The following SPECC1L variants were observed in gnomAD, a reference collection of about 807,000 sequenced individuals.
SPECC1L encodes cytospin-A.
In SPECC1L, 40 loss-of-function variants were observed where a neutral mutation model predicts 116.8. The observed-to-expected ratio is 0.34, with a 90% confidence interval of 0.27 to 0.45. The LOEUF is 0.45. Among genes scored for constraint, SPECC1L ranks in the 20% least tolerant of loss-of-function variants. SPECC1L has a pLI of 1.00. For synonymous variants in SPECC1L, 504 were observed against 500.6 expected (o/e 1.01, Z -0.09); for missense variants, 1,110 against 1,373.6 (o/e 0.81, Z 3.03).
At chr22:24,381,672 C>T (rs2042064668) in intron 14 of SPECC1L, among the ~76,000 whole-genome samples, 2 of 152,030 alleles carry the variant, frequency 1.3e-5, no homozygotes, top group African/African-American at 4.8e-5. Context: ...ATCACGAGAT[C>T]AGGAGATCGA....
chr22:24,410,702 G>T (rs1310982364), intron 14 of SPECC1L, among the ~76,000 whole-genome samples: 3 of 152,168 alleles, frequency 2.0e-5, no homozygotes, highest in Non-Finnish European at 4.4e-5. Flanking sequence ...CTGGACCAAT[G>T]CTCAGGGGGC....
intron 2 of SPECC1L, among the ~76,000 whole-genome samples, chr22:24,285,491 A>G (rs2146349262): frequency 6.6e-6 from 1 of 152,336 alleles, no homozygotes; most frequent in East Asian, 1.9e-4. Flanking sequence ...CTACCCAACC[A>G]GTCTGAGTTC....
intron 2 of SPECC1L, among the ~76,000 whole-genome samples, chr22:24,287,072 G>A (rs4522712): frequency 6.6e-6 from 1 of 152,176 alleles, no homozygotes; most frequent in African/African-American, 2.4e-5. Context: ...AGAGACAAGG[G>A]AAGGTATCAC....
chr22:24,311,812 A>AC, intron 3 of SPECC1L, among the ~76,000 whole-genome samples: 1 of 150,888 alleles, frequency 6.6e-6, no homozygotes, highest in Non-Finnish European at 1.5e-5. Context: ...CTCAAAAAAA[A>AC]AAAAAAAAAA....
intron 2 of SPECC1L, among the ~76,000 whole-genome samples, chr22:24,290,871 A>G (rs1224837323): frequency 6.6e-6 from 1 of 152,196 alleles, no homozygotes; most frequent in Non-Finnish European, 1.5e-5. Flanking sequence ...GATTTATTTG[A>G]TTTAAACACT....
At chr22:24,304,882 TA>T (rs1462635798) in intron 3 of SPECC1L, among the ~76,000 whole-genome samples, 3 of 152,216 alleles carry the variant, frequency 2.0e-5, no homozygotes, top group Non-Finnish European at 4.4e-5. Flanking sequence ...CTTAGAGAAG[TA>T]TACGTACCTG....
chr22:24,318,248 G>C lies in SPECC1L; in HGVS notation c.308-3040G>C, dbSNP rs1017021374. Reference sequence around the variant, plus strand: ...TGGGCACCATTGAGCAATGAGTGAAGGAGACTCCGTCTGCAATCCCGGCAC... The same window carrying C: ...TGGGCACCATTGAGCAATGAGTGAACGAGACTCCGTCTGCAATCCCGGCAC... On this transcript the variant is annotated intron_variant, in intron 4 of 16. Transcript: ENST00000314328. Among the ~76,000 whole-genome samples, 5 of 152,082 alleles carry C rather than the reference G, an allele frequency of 3.3e-5. No individual in the cohort carries two copies. In the South Asian group the frequency reaches 1.0e-3, roughly 32 times the overall value.
rs1178588476 is a variant in SPECC1L at position 24,277,596 on chromosome 22, G to C, written c.-38+793G>C. ...CTTTGTGTCTCTATGGATTTGCCTA[G>C]TCTAGGTATTTTTATGTAAATGGCA... On this transcript the variant is annotated intron_variant, in intron 2 of 16. Coordinates refer to ENST00000314328, the MANE Select transcript of SPECC1L (RefSeq NM_015330.6). Among the ~76,000 whole-genome samples, 3 of 152,196 alleles carry C rather than the reference G, an allele frequency of 2.0e-5. No homozygotes were observed. In the East Asian group the frequency reaches 5.8e-4, roughly 29 times the overall value.
intron 14 of SPECC1L, among the ~76,000 whole-genome samples, chr22:24,409,383 G>A (rs2042649593): frequency 6.6e-6 from 1 of 152,164 alleles, no homozygotes; most frequent in Non-Finnish European, 1.5e-5. Context: ...TGTGGTGTCT[G>A]CATAAAGTGT....
intron 2 of SPECC1L, among the ~76,000 whole-genome samples, chr22:24,296,871 A>G (rs1443425090): frequency 1.2e-4 from 19 of 152,056 alleles, no homozygotes; most frequent in African/African-American, 4.1e-4. Flanking sequence ...GGTAGGGCCC[A>G]TGGAATTCAA....
intron 11 of SPECC1L, 26 bp from the exon 12 acceptor site, chr22:24,363,235 A>G: frequency 6.3e-7 from 1 of 1,597,790 alleles, no homozygotes; most frequent in South Asian, 1.1e-5. Flanking sequence ...AGATTTCTTT[A>G]TTGGGATTCT....
At chr22:24,352,430 A>G (rs746339251) in intron 11 of SPECC1L, among the ~76,000 whole-genome samples, 28 of 152,216 alleles carry the variant, frequency 1.8e-4, no homozygotes, top group Non-Finnish European at 4.4e-5. Context: ...GAAGTTCGTT[A>G]GTCCAAGTGT....
intron 14 of SPECC1L, among the ~76,000 whole-genome samples, chr22:24,386,635 G>C (rs1193413949): frequency 6.6e-6 from 1 of 151,804 alleles, no homozygotes; most frequent in African/African-American, 2.4e-5. Context: ...ACGGAGTCTT[G>C]CTCTGTCATC....
At chr22:24,277,211 T>A (rs1331347994) in intron 2 of SPECC1L, among the ~76,000 whole-genome samples, 1 of 152,226 alleles carries the variant, frequency 6.6e-6, no homozygotes, top group Non-Finnish European at 1.5e-5. Context: ...TTTGGATTAT[T>A]GTTTTGGTCT....
At chr22:24,299,409 C>T (rs1185624524) in intron 2 of SPECC1L, among the ~76,000 whole-genome samples, 1 of 152,064 alleles carries the variant, frequency 6.6e-6, no homozygotes, top group African/African-American at 2.4e-5. Flanking sequence ...TGCACTCCAG[C>T]ATGGGTGACA....
intron 2 of SPECC1L, among the ~76,000 whole-genome samples, chr22:24,287,232 G>A (rs1285721292): frequency 6.6e-6 from 1 of 152,214 alleles, no homozygotes; most frequent in Non-Finnish European, 1.5e-5. Flanking sequence ...CACGTAAAAT[G>A]GAAATGAGAT....
chr22:24,296,476 T>G (rs557848204), intron 2 of SPECC1L, among the ~76,000 whole-genome samples: 30 of 152,388 alleles, frequency 2.0e-4, no homozygotes, highest in African/African-American at 6.7e-4. Flanking sequence ...AATGTTTTTA[T>G]GAGGAGAGCT....
chr22:24,335,645 T>C (rs1229615783), intron 9 of SPECC1L, among the ~76,000 whole-genome samples: 2 of 152,234 alleles, frequency 1.3e-5, no homozygotes, highest in Admixed American at 1.3e-4. Flanking sequence ...TATTCTGTGA[T>C]TATACACAAA....
chr22:24,365,288 G>A (rs535102372), intron 12 of SPECC1L, among the ~76,000 whole-genome samples, 188 bp from the exon 13 acceptor site: 1 of 152,070 alleles, frequency 6.6e-6, no homozygotes, highest in Non-Finnish European at 1.5e-5. Context: ...GATTATAGGC[G>A]TGAGCCACTG....
Sources: gnomAD v4.1 joint callset for allele counts (sites outside exome capture counted in the v4.1 genomes callset) on GRCh38, gnomAD v4.1.1 for gene constraint, MANE v1.5 for transcripts, NCBI Gene and HGNC (gene_info 2026-07-23, HGNC 2026-07-21) for gene names.